The following COPG2 variants were observed in gnomAD, a reference collection of about 807,000 sequenced individuals.
COPG2 encodes coatomer subunit gamma-2.
A neutral mutation model predicts 46.3 loss-of-function variants in COPG2; 37 were observed. That is an observed-to-expected ratio of 0.80 (90% CI 0.61 to 1.05). The LOEUF (loss-of-function observed/expected upper bound fraction) is 1.05, where lower values mean the gene tolerates loss of function less well. COPG2 is among the 50% of genes least tolerant of loss of function. The probability of loss-of-function intolerance (pLI) is 0.00; values close to 1 mark genes in which losing one functional copy is unlikely to be tolerated. For missense variants in COPG2, 427 were observed against 387.8 expected, an observed-to-expected ratio of 1.10 and a Z score of -0.85; for synonymous variants, 159 against 129.7, an observed-to-expected ratio of 1.23 and a Z score of -1.53.
chr7:130,548,274 G>C, intron 19 of COPG2, 129 bp downstream of exon 19: 2 of 396,412 alleles, frequency 5.0e-6, no homozygotes, highest in African/African-American at 2.1e-5. Flanking sequence ...CTGGTGTTAA[G>C]CAAGAAAACC....
intron 20 of COPG2, among the ~76,000 whole-genome samples, chr7:130,532,901 T>A (rs1799842845): frequency 6.6e-6 from 1 of 152,066 alleles, no homozygotes; most frequent in Non-Finnish European, 1.5e-5. Context: ...ATTAGGCCAG[T>A]GGCAGAATCA....
At chr7:130,650,555 G>A (rs1329513373) in intron 5 of COPG2, among the ~76,000 whole-genome samples, 1 of 152,062 alleles carries the variant, frequency 6.6e-6, no homozygotes, top group Non-Finnish European at 1.5e-5. Context: ...TCATTTGTTT[G>A]TTTTTTTACT....
At chr7:130,564,562 A>G in intron 9 of COPG2, 169 bp from the exon 10 acceptor site, 1 of 394,220 alleles carries the variant, frequency 2.5e-6, no homozygotes, top group Non-Finnish European at 4.5e-6. Context: ...AATTGTCAAA[A>G]TCAACTTTTG....
At chr7:130,645,281 C>T (rs1554457981) in intron 5 of COPG2, 2 of 629,698 alleles carry the variant, frequency 3.2e-6, no homozygotes, top group South Asian at 2.7e-5. Context: ...TGGGGGGCCA[C>T]AAAATACTCC....
intron 5 of COPG2, among the ~76,000 whole-genome samples, chr7:130,643,219 C>T (rs534370006): frequency 1.3e-5 from 2 of 150,334 alleles, no homozygotes; most frequent in South Asian, 2.1e-4. Flanking sequence ...GGCATGAACC[C>T]GGGAGGCGGA....
chr7:130,622,737 G>T (rs1795060239), intron 5 of COPG2, among the ~76,000 whole-genome samples: 1 of 152,046 alleles, frequency 6.6e-6, no homozygotes, highest in Non-Finnish European at 1.5e-5. Context: ...CCTGGTTTTG[G>T]CTACTTCTCC....
chr7:130,607,122 TCCCAGCTACTTGGG>T (rs1794747934), intron 9 of COPG2, among the ~76,000 whole-genome samples: 1 of 151,938 alleles, frequency 6.6e-6, no homozygotes, highest in Non-Finnish European at 1.5e-5. Flanking sequence ...ATCCCTGTAG[TCCCAGCTACTTGGG>T]AGGCTGAGGT....
intron 9 of COPG2, chr7:130,603,942 T>C: frequency 2.2e-6 from 1 of 461,054 alleles, no homozygotes; most frequent in Non-Finnish European, 4.3e-6. Context: ...TTTTATGTTA[T>C]ATGTAATATA....
intron 5 of COPG2, among the ~76,000 whole-genome samples, chr7:130,647,730 A>G (rs555024292): frequency 1.5e-5 from 2 of 131,824 alleles, no homozygotes; most frequent in African/African-American, 5.7e-5. Context: ...CCTCATTAAG[A>G]TTTTTTTTTT....
At chr7:130,596,758 G>C (rs956820703) in intron 9 of COPG2, among the ~76,000 whole-genome samples, 1 of 152,180 alleles carries the variant, frequency 6.6e-6, no homozygotes, top group African/African-American at 2.4e-5. Flanking sequence ...AGCATCCACA[G>C]CCACATTAGA....
intron 5 of COPG2, among the ~76,000 whole-genome samples, chr7:130,650,026 G>C (rs1163780666): frequency 1.3e-5 from 2 of 152,184 alleles, no homozygotes; most frequent in East Asian, 1.9e-4. Flanking sequence ...CCGGAGGCTA[G>C]AAGGGTGAAT....
At chr7:130,571,014 T>C (rs1554445468) in intron 9 of COPG2, among the ~76,000 whole-genome samples, 1 of 152,222 alleles carries the variant, frequency 6.6e-6, no homozygotes, top group Admixed American at 6.5e-5. Flanking sequence ...AGAATGAAAC[T>C]GGATCCTCAT....
chr7:130,657,711 T>G (rs1554460076), intron 4 of COPG2, among the ~76,000 whole-genome samples: 2 of 152,194 alleles, frequency 1.3e-5, no homozygotes, highest in African/African-American at 4.8e-5. Context: ...TCCAATTTTT[T>G]TAATGGGCAA....
At chr7:130,540,143 G>A (rs1307568734) in intron 20 of COPG2, among the ~76,000 whole-genome samples, 1 of 151,946 alleles carries the variant, frequency 6.6e-6, no homozygotes, top group Non-Finnish European at 1.5e-5. Flanking sequence ...GAGGAGGTAG[G>A]GAACCAGATG....
At chr7:130,516,935 G>C (rs1374266738) in intron 20 of COPG2, among the ~76,000 whole-genome samples, 1 of 152,152 alleles carries the variant, frequency 6.6e-6, no homozygotes, top group Non-Finnish European at 1.5e-5. Flanking sequence ...CAAATACAGT[G>C]GAGAATGTGG....
intron 9 of COPG2, among the ~76,000 whole-genome samples, chr7:130,599,848 TA>T (rs1180818016): frequency 2.0e-5 from 3 of 152,214 alleles, no homozygotes; most frequent in Non-Finnish European, 4.4e-5. Flanking sequence ...TGCTACTTCC[TA>T]ATACATGTGG....
At chr7:130,513,114 C>T (rs1799623483) in intron 20 of COPG2, among the ~76,000 whole-genome samples, 1 of 150,568 alleles carries the variant, frequency 6.6e-6, no homozygotes, top group South Asian at 2.1e-4. Flanking sequence ...GGTGAAACCC[C>T]ATCTCTACTA....
chr7:130,567,630 A>G (rs1281242792), intron 9 of COPG2, among the ~76,000 whole-genome samples: 1 of 152,194 alleles, frequency 6.6e-6, no homozygotes, highest in Non-Finnish European at 1.5e-5. Flanking sequence ...GAAACCCTAC[A>G]AACTAGAAGG....
At chr7:130,509,888 T>A (rs992812868) in intron 20 of COPG2, 1 of 485,170 alleles carries the variant, frequency 2.1e-6, no homozygotes, top group Non-Finnish European at 4.1e-6. Context: ...ATATAATAGT[T>A]TAACTGGCTC....
Sources: gnomAD v4.1 joint callset for allele counts (sites outside exome capture counted in the v4.1 genomes callset) on GRCh38, gnomAD v4.1.1 for gene constraint, MANE v1.5 for transcripts, NCBI Gene and HGNC (gene_info 2026-07-23, HGNC 2026-07-21) for gene names.